The following SOBP variants were observed in gnomAD, a reference collection of about 807,000 sequenced individuals.
SOBP encodes the protein sine oculis-binding protein homolog.
A neutral mutation model predicts 53.6 loss-of-function variants in SOBP; 4 were observed. The ratio of observed to expected loss-of-function variants is 0.07; its 90% CI spans 0.04 to 0.17. SOBP has a LOEUF of 0.17. SOBP is among the 10% of genes least tolerant of loss of function. SOBP has a pLI of 1.00. For missense variants in SOBP, 1,088 were observed against 1,204.7 expected, an observed-to-expected ratio of 0.90 and a Z score of 1.43; for synonymous variants, 584 against 522.6, an observed-to-expected ratio of 1.12 and a Z score of -1.60.
At position 107,620,178 on chromosome 6, in the gene SOBP, C is replaced by G. The variant is rs1431470060; in HGVS notation, c.670-13336C>G. On this transcript the variant is annotated intron_variant, in intron 5 of 6. Transcript: ENST00000317357. ...GGACTGCCTTACTGCTCCCAAGGAGCAGGCATCCTTGCTTCCTGATTTAGC... is the reference window on the plus strand; with the variant it reads ...GGACTGCCTTACTGCTCCCAAGGAGGAGGCATCCTTGCTTCCTGATTTAGC... Among the ~76,000 whole-genome samples the G allele has an allele frequency of 2.0e-5, 3 of 152,174 alleles. No individual in the cohort carries two copies. The East Asian group carries it at 5.8e-4, about 29-fold the overall frequency.
chr6:107,608,259 G>A (rs1786463700), intron 5 of SOBP, among the ~76,000 whole-genome samples: 3 of 152,136 alleles, frequency 2.0e-5, no homozygotes, highest in South Asian at 4.1e-4. Context: ...GAATTTGTGT[G>A]GTGTTGTTTC....
At chr6:107,533,295 AAGAGAG>A (rs1311435367) in intron 3 of SOBP, among the ~76,000 whole-genome samples, 158 bp from the exon 4 acceptor site, 1 of 146,306 alleles carries the variant, frequency 6.8e-6, no homozygotes, top group African/African-American at 2.5e-5. Context: ...AAAAAAAAAA[AAGAGAG>A]AGAGAAAGAG....
intron 1 of SOBP, 118 bp downstream of exon 1, chr6:107,490,830 C>G: frequency 1.3e-6 from 1 of 762,394 alleles, no homozygotes; most frequent in Non-Finnish European, 2.3e-6. Context: ...GTAGGATGCC[C>G]AGAACGGCTC....
chr6:107,626,552 G>C (rs567877668), intron 5 of SOBP, among the ~76,000 whole-genome samples: 19 of 152,342 alleles, frequency 1.2e-4, no homozygotes, highest in South Asian at 1.2e-3. Flanking sequence ...GAGGGCAGGA[G>C]CTTCATTTTA....
At chr6:107,560,247 G>A (rs1419411159) in intron 4 of SOBP, among the ~76,000 whole-genome samples, 2 of 152,102 alleles carry the variant, frequency 1.3e-5, no homozygotes, top group Non-Finnish European at 2.9e-5. Context: ...ATATGTTCAT[G>A]CAGCTCTCTC....
rs961804772 is a variant in SOBP at position 107,660,550 on chromosome 6, G to A, written c.*2347G>A. 1.7e-4 allele frequency among the ~76,000 whole-genome samples: 26 copies of A among 152,152 alleles called. No individual in the cohort carries two copies. The highest frequency in any genetic ancestry group is 4.1e-4 in the South Asian group (2 of 4,830). ...TCAAATGGAGGCAAACATGCTCCAC[G>A]GGTTCCACTCACATCCACACACCAT... is the stretch of plus-strand genomic sequence containing the variant. On this transcript the variant is annotated 3_prime_UTR_variant, in exon 7 of 7. Transcript: ENST00000317357.
intron 5 of SOBP, chr6:107,621,015 C>G (rs562827335): frequency 9.9e-6 from 2 of 202,314 alleles, no homozygotes; most frequent in South Asian, 3.5e-4. Context: ...ATACTGACAA[C>G]TGATATGTAA....
intron 6 of SOBP, among the ~76,000 whole-genome samples, chr6:107,649,731 T>C (rs1475517045): frequency 6.6e-6 from 1 of 151,808 alleles, no homozygotes; most frequent in African/African-American, 2.4e-5. Flanking sequence ...AATCCCTCCA[T>C]GGTTTTGGAA....
rs1771008630 is a variant in SOBP, at chr6:107,635,613, A to G, written c.*3+144A>G. On this transcript the variant is annotated intron_variant, in intron 6 of 6. Coordinates refer to ENST00000317357, the MANE Select transcript of SOBP (RefSeq NM_018013.4). The surrounding 1 kb of genome is among the most constrained non-coding windows in gnomAD (Gnocchi z 4.5). ...CACACGGTGTGGTCACGCTATCAAC[A>G]TTCTGAGCCAGCAGCTCTGATGCTG... is the stretch of plus-strand genomic sequence containing the variant. 8 of 1,180,142 alleles carry G rather than the reference A, an allele frequency of 6.8e-6. No individual in the cohort carries two copies. Among genetic ancestry groups the G allele is most frequent in the Non-Finnish European group, 8.5e-6 (7 of 823,910 alleles). The allele number at this position is 1,180,142 out of a possible 1,614,324, so 73.1% of individuals were successfully genotyped here.
chr6:107,508,052 A>G (rs1783047872), intron 3 of SOBP, among the ~76,000 whole-genome samples: 1 of 152,210 alleles, frequency 6.6e-6, no homozygotes, highest in Non-Finnish European at 1.5e-5. Context: ...GTTGAATTGA[A>G]CAATGATAAA....
intron 3 of SOBP, among the ~76,000 whole-genome samples, chr6:107,523,864 C>A (rs1783585213): frequency 6.6e-6 from 1 of 152,260 alleles, no homozygotes; most frequent in Non-Finnish European, 1.5e-5. Context: ...ACACTAGGGG[C>A]AGCCATGGGA....
intron 4 of SOBP, among the ~76,000 whole-genome samples, chr6:107,568,165 A>G (rs955497821): frequency 1.3e-5 from 2 of 152,214 alleles, no homozygotes; most frequent in African/African-American, 4.8e-5. Context: ...GTCATTTCCA[A>G]TTATTGACTC....
At chr6:107,493,256 C>A (rs954451987) in intron 1 of SOBP, among the ~76,000 whole-genome samples, 3 of 151,772 alleles carry the variant, frequency 2.0e-5, no homozygotes, top group Non-Finnish European at 2.9e-5. Context: ...CTGTGTTTGC[C>A]TTCATCTGAA....
chr6:107,499,934 GTA>G (rs892413958), intron 1 of SOBP, among the ~76,000 whole-genome samples: 1 of 151,852 alleles, frequency 6.6e-6, no homozygotes, highest in African/African-American at 2.4e-5. Context: ...TGAAACACAT[GTA>G]TATATATATG....
chr6:107,633,891 G>C lies in SOBP; in HGVS notation c.1047G>C (p.Val349=). ...CTGTCACTAAAATCCCCACGCCAGT[G>C]CCCAAGTCCATCCCCATCAGCGAGA... ...NCSVTKIPTP[V]PKSIPISETP... The change falls in exon 6 of 7, where the codon GTG becomes GTC. Residue 349 remains valine, a synonymous_variant. Coordinates refer to ENST00000317357, the MANE Select transcript of SOBP (RefSeq NM_018013.4). 1 of 1,614,148 alleles carries C rather than the reference G, an allele frequency of 6.2e-7. No individual in the cohort carries two copies. The highest frequency in any genetic ancestry group is 1.1e-5 in the South Asian group (1 of 91,088).
At chr6:107,513,148 T>C (rs1468519611) in intron 3 of SOBP, among the ~76,000 whole-genome samples, 2 of 152,204 alleles carry the variant, frequency 1.3e-5, no homozygotes, top group African/African-American at 4.8e-5. Context: ...ATAAGATCGA[T>C]CCCCTAAAAC....
intron 6 of SOBP, among the ~76,000 whole-genome samples, chr6:107,646,567 T>C (rs1315595192): frequency 6.6e-6 from 1 of 152,234 alleles, no homozygotes; most frequent in Non-Finnish European, 1.5e-5. Context: ...TGTCTGTCCT[T>C]AGACCGAAGG....
intron 5 of SOBP, among the ~76,000 whole-genome samples, chr6:107,626,175 G>T (rs1770452227): frequency 6.6e-6 from 1 of 152,208 alleles, no homozygotes. Context: ...TATTGGGTTA[G>T]AAGAACAAAG....
chr6:107,506,272 A>G lies in SOBP; in HGVS notation c.266A>G (p.Glu89Gly). 6.2e-7 allele frequency: 1 copy of G among 1,614,184 alleles called. No individual in the cohort carries two copies. Among genetic ancestry groups the G allele is most frequent in the Non-Finnish European group, 8.5e-7 (1 of 1,180,036 alleles). Residue 89 changes from glutamate to glycine, a missense_variant, in exon 3 of 7, where the codon GAG becomes GGG. Glu to Gly is a moderately conservative substitution (Grantham distance 98, BLOSUM62 -2). Coordinates refer to ENST00000317357, the MANE Select transcript of SOBP (RefSeq NM_018013.4). ...ENSLPKPKLP[E>G]DSVISPYNIS... ...TCTTTGCCAAAACCAAAATTACCCG[A>G]GGACAGTGTTATTTCACCATACAAT...
Sources: gnomAD v4.1 joint callset for allele counts (sites outside exome capture counted in the v4.1 genomes callset) on GRCh38, gnomAD v4.1.1 for gene constraint, Gnocchi (gnomAD v3.1) non-coding constraint, MANE v1.5 for transcripts, NCBI Gene and HGNC (gene_info 2026-07-23, HGNC 2026-07-21) for gene names.